Variants in PRR16 observed in about 807,000 individuals in gnomAD.
The protein encoded by PRR16 is protein Largen.
Under a neutral mutation model 18.2 loss-of-function variants are expected in PRR16, and 6 were observed. That is an observed-to-expected ratio of 0.33 (90% CI 0.18 to 0.65). The LOEUF is 0.65. Ranked by LOEUF, PRR16 falls within the 30% of genes least tolerant of loss-of-function variation. The pLI is 0.74. For missense variants in PRR16, 412 were observed against 376.6 expected (o/e 1.09, Z -0.78); for synonymous variants, 151 against 147.8 (o/e 1.02, Z -0.16).
chr5:120,472,208 C>A (rs1749291607), intron 1 of PRR16, among the ~76,000 whole-genome samples: 1 of 152,118 alleles, frequency 6.6e-6, no homozygotes, highest in Non-Finnish European at 1.5e-5. Flanking sequence ...CTACAGATAA[C>A]ATATGTTATC....
chr5:120,638,590 A>G (rs1755322326), intron 1 of PRR16, among the ~76,000 whole-genome samples: 1 of 152,130 alleles, frequency 6.6e-6, no homozygotes, highest in African/African-American at 2.4e-5. Flanking sequence ...TCTTTCTCAA[A>G]GACATGTTGG....
chr5:120,713,877 T>C, the PRR16 span, among the ~76,000 whole-genome samples: 1 of 152,222 alleles, frequency 6.6e-6, no homozygotes, highest in Admixed American at 6.5e-5. Flanking sequence ...GAATGCACTT[T>C]AACTTTCATA....
chr5:120,592,193 C>G (rs528810332), intron 1 of PRR16, among the ~76,000 whole-genome samples: 1 of 152,276 alleles, frequency 6.6e-6, no homozygotes, highest in East Asian at 1.9e-4. Context: ...ACAAACTTAG[C>G]TTGTTTGAAG....
At chr5:120,658,600 A>G (rs1484181273) in intron 1 of PRR16, among the ~76,000 whole-genome samples, 1 of 151,942 alleles carries the variant, frequency 6.6e-6, no homozygotes, top group African/African-American at 2.4e-5. Flanking sequence ...CTCACTGTCT[A>G]GTAGAAGCTT....
At chr5:120,769,382 C>A in the PRR16 span, among the ~76,000 whole-genome samples, 2 of 151,690 alleles carry the variant, frequency 1.3e-5, no homozygotes, top group South Asian at 4.2e-4. Flanking sequence ...ATGAGATCTA[C>A]CCTCTTAATA....
At chr5:120,712,519 C>A in the PRR16 span, among the ~76,000 whole-genome samples, 2 of 151,974 alleles carry the variant, frequency 1.3e-5, no homozygotes, top group East Asian at 3.9e-4. Context: ...GAAGGGGAAC[C>A]TTACAGATTG....
the PRR16 span, among the ~76,000 whole-genome samples, chr5:120,756,240 G>A: frequency 0.26 from 39,548 of 151,926 alleles, 5,502 homozygotes; most frequent in Non-Finnish European, 0.31. Flanking sequence ...GCACAGAAGT[G>A]GGGAGGGGCT....
chr5:120,609,630 A>G (rs897809826), intron 1 of PRR16, among the ~76,000 whole-genome samples: 1 of 152,232 alleles, frequency 6.6e-6, no homozygotes, highest in Non-Finnish European at 1.5e-5. Flanking sequence ...GTGAAATCTG[A>G]AACACTTACA....
At chr5:120,468,043 AT>A (rs1214563021) in intron 1 of PRR16, among the ~76,000 whole-genome samples, 1 of 152,144 alleles carries the variant, frequency 6.6e-6, no homozygotes, top group African/African-American at 2.4e-5. Context: ...ATAAAAAGAC[AT>A]TGTGGCCTTT....
At chr5:120,578,854 A>T (rs1006868455) in intron 1 of PRR16, among the ~76,000 whole-genome samples, 1 of 152,258 alleles carries the variant, frequency 6.6e-6, no homozygotes, top group South Asian at 2.1e-4. Context: ...ACTAATTTAC[A>T]TTCCCACCAA....
At chr5:120,503,639 T>C (rs1750541147) in intron 1 of PRR16, among the ~76,000 whole-genome samples, 1 of 152,104 alleles carries the variant, frequency 6.6e-6, no homozygotes, top group South Asian at 2.1e-4. Flanking sequence ...TTGGAGGCAG[T>C]GATTTTTTTT....
the PRR16 span, among the ~76,000 whole-genome samples, chr5:120,788,324 C>G: frequency 6.6e-6 from 1 of 151,972 alleles, no homozygotes; most frequent in African/African-American, 2.4e-5. Flanking sequence ...GCTGTAGCAG[C>G]TTATCAAAGG....
intron 1 of PRR16, among the ~76,000 whole-genome samples, chr5:120,501,307 T>C (rs1750444624): frequency 6.6e-6 from 1 of 152,146 alleles, no homozygotes; most frequent in African/African-American, 2.4e-5. Flanking sequence ...AAATATACAT[T>C]GGAATATTAT....
chr5:120,573,401 G>T (rs1210377548), intron 1 of PRR16, among the ~76,000 whole-genome samples: 1 of 152,118 alleles, frequency 6.6e-6, no homozygotes, highest in African/African-American at 2.4e-5. Context: ...CTTTGGACTT[G>T]TACTTCTCAA....
Position 120,476,601 on chromosome 5 carries a change from C to T in PRR16, c.159+11956C>T, listed in dbSNP as rs116854154. On this transcript the variant is annotated intron_variant, in intron 1 of 1. Transcript: ENST00000407149. ...TACTTATTAGGGACCAAAAGCCAAT[C>T]GTTCTACTTGTGTGTGAGAGCCTGT... 3.3e-3 allele frequency among the ~76,000 whole-genome samples: 507 copies of T among 152,222 alleles called. 5 individuals carry two copies. The highest frequency in any genetic ancestry group is 0.011 in the African/African-American group (437 of 41,548).
At chr5:120,624,321 A>G (rs1754791818) in intron 1 of PRR16, among the ~76,000 whole-genome samples, 1 of 152,206 alleles carries the variant, frequency 6.6e-6, no homozygotes, top group Non-Finnish European at 1.5e-5. Context: ...TTTCACTCAT[A>G]TTTGAAAGAG....
At chr5:120,583,952 TG>T (rs1180208502) in intron 1 of PRR16, among the ~76,000 whole-genome samples, 6 of 152,316 alleles carry the variant, frequency 3.9e-5, no homozygotes, top group African/African-American at 1.2e-4. Context: ...GTATCTGTTA[TG>T]GGTCAAGCAC....
intron 1 of PRR16, among the ~76,000 whole-genome samples, chr5:120,624,600 A>G (rs7709061): frequency 0.027 from 4,055 of 152,228 alleles, 208 homozygotes; most frequent in African/African-American, 0.092. Flanking sequence ...TGCCTCAGTT[A>G]TCTTATCTGA....
intron 1 of PRR16, among the ~76,000 whole-genome samples, chr5:120,652,059 A>C (rs2150132220): frequency 6.6e-6 from 1 of 152,136 alleles, no homozygotes; most frequent in African/African-American, 2.4e-5. Context: ...CTTGTAAGTC[A>C]AATGATTTTT....
Sources: allele counts gnomAD v4.1 joint callset (sites outside exome capture counted in the v4.1 genomes callset), GRCh38; gene constraint gnomAD v4.1.1; transcripts MANE v1.5; gene names NCBI Gene and HGNC (gene_info 2026-07-23, HGNC 2026-07-21).